KHDRBS2: variants seen among roughly 807,000 people sequenced by gnomAD.
KHDRBS2 encodes the protein KH domain-containing, RNA-binding, signal transduction-associated protein 2.
A neutral mutation model predicts 44.3 loss-of-function variants in KHDRBS2; 26 were observed. The ratio of observed to expected loss-of-function variants is 0.59; its 90% CI spans 0.43 to 0.81. KHDRBS2 has a LOEUF of 0.81. Among genes scored for constraint, KHDRBS2 ranks in the 40% least tolerant of loss-of-function variants. The pLI is 0.00. For synonymous variants in KHDRBS2, 194 were observed against 151.1 expected (o/e 1.28, Z -2.08); for missense variants, 476 against 433.1 (o/e 1.10, Z -0.88).
chr6:61,553,031 G>A, the KHDRBS2 span, among the ~76,000 whole-genome samples: 1 of 152,118 alleles, frequency 6.6e-6, no homozygotes. Flanking sequence ...ATGACTTAGG[G>A]AGGACTCCCT....
chr6:62,048,791 T>G (rs1788318897), intron 2 of KHDRBS2, among the ~76,000 whole-genome samples: 1 of 151,828 alleles, frequency 6.6e-6, no homozygotes, highest in Admixed American at 6.6e-5. Context: ...CCAAACCAAA[T>G]GACCGAGGTA....
At chr6:61,572,237 T>C in the KHDRBS2 span, among the ~76,000 whole-genome samples, 1 of 152,142 alleles carries the variant, frequency 6.6e-6, no homozygotes, top group Non-Finnish European at 1.5e-5. Context: ...GATAAATTCC[T>C]GGAAATATCC....
the KHDRBS2 span, among the ~76,000 whole-genome samples, chr6:61,567,815 T>A: frequency 6.6e-6 from 1 of 152,130 alleles, no homozygotes; most frequent in Admixed American, 6.6e-5. Flanking sequence ...TTTTAATCTA[T>A]GAAACCAAGC....
At chr6:61,977,824 G>A (rs900215091) in intron 4 of KHDRBS2, among the ~76,000 whole-genome samples, 5 of 152,056 alleles carry the variant, frequency 3.3e-5, no homozygotes, top group Admixed American at 1.3e-4. Context: ...ACTATGAACC[G>A]ATGCATGGCA....
intron 2 of KHDRBS2, among the ~76,000 whole-genome samples, chr6:62,164,915 G>A (rs1818364645): frequency 6.6e-6 from 1 of 151,720 alleles, no homozygotes; most frequent in Non-Finnish European, 1.5e-5. Context: ...TCTAAGTGAG[G>A]TTCACATTTT....
intron 3 of KHDRBS2, among the ~76,000 whole-genome samples, chr6:62,035,506 T>C (rs892136232): frequency 6.6e-6 from 1 of 151,892 alleles, no homozygotes; most frequent in African/African-American, 2.4e-5. Flanking sequence ...AAGGGGTTAG[T>C]GGCTGTGGGG....
intron 2 of KHDRBS2, among the ~76,000 whole-genome samples, chr6:62,146,985 C>T (rs898506616): frequency 2.6e-5 from 4 of 151,880 alleles, no homozygotes; most frequent in Admixed American, 6.6e-5. Context: ...CAAACCCATG[C>T]CCCCAGCAGT....
At chr6:61,581,215 C>A in the KHDRBS2 span, among the ~76,000 whole-genome samples, 4 of 151,938 alleles carry the variant, frequency 2.6e-5, no homozygotes, top group African/African-American at 9.7e-5. Context: ...CATTGCCATG[C>A]AAATGTGCAT....
intron 2 of KHDRBS2, among the ~76,000 whole-genome samples, chr6:62,111,838 T>C (rs1161501014): frequency 1.3e-5 from 2 of 152,068 alleles, no homozygotes; most frequent in Non-Finnish European, 2.9e-5. Flanking sequence ...GCTGTGATCA[T>C]ACCATTGAAC....
chr6:61,558,680 G>T, the KHDRBS2 span, among the ~76,000 whole-genome samples: 1 of 152,064 alleles, frequency 6.6e-6, no homozygotes, highest in Non-Finnish European at 1.5e-5. Flanking sequence ...TGACCAACTG[G>T]TTATTCAGGA....
intron 2 of KHDRBS2, among the ~76,000 whole-genome samples, chr6:62,164,345 T>C (rs1283606820): frequency 2.6e-5 from 4 of 151,886 alleles, no homozygotes; most frequent in Non-Finnish European, 4.4e-5. Context: ...AGACAACACA[T>C]AATAATTCTT....
intron 7 of KHDRBS2, among the ~76,000 whole-genome samples, chr6:61,717,853 A>G (rs1030493140): frequency 1.6e-4 from 25 of 151,972 alleles, no homozygotes; most frequent in African/African-American, 5.8e-4. Context: ...TCTTATATTA[A>G]ATGCATATTC....
chr6:61,704,596 A>C (rs1049510188), intron 7 of KHDRBS2, among the ~76,000 whole-genome samples: 1 of 151,818 alleles, frequency 6.6e-6, no homozygotes, highest in Non-Finnish European at 1.5e-5. Flanking sequence ...ACCTTGTCTT[A>C]ACATGGTAAG....
chr6:61,752,721 T>C (rs1358438643), intron 6 of KHDRBS2, among the ~76,000 whole-genome samples: 1 of 144,776 alleles, frequency 6.9e-6, no homozygotes, highest in Admixed American at 6.9e-5. Context: ...CTCATTGAGG[T>C]CATATTCTAG....
At chr6:61,835,710 C>CGTGTGTGTGT (rs3078000) in intron 6 of KHDRBS2, among the ~76,000 whole-genome samples, 24 of 145,570 alleles carry the variant, frequency 1.6e-4, no homozygotes, top group African/African-American at 4.3e-4. Context: ...TTGATGTGTG[C>CGTGTGTGTGT]GTGTGTGTGT....
chr6:61,935,191 G>A (rs963069162), intron 4 of KHDRBS2, among the ~76,000 whole-genome samples: 1 of 152,216 alleles, frequency 6.6e-6, no homozygotes, highest in African/African-American at 2.4e-5. Flanking sequence ...AGAGGGAGTA[G>A]AGGGCATGAG....
chr6:61,879,491 T>C (rs1366377224), intron 6 of KHDRBS2, among the ~76,000 whole-genome samples: 1 of 151,900 alleles, frequency 6.6e-6, no homozygotes, highest in African/African-American at 2.4e-5. Flanking sequence ...ATCTAATTAT[T>C]AGACCCTAAA....
chr6:62,054,727 T>C (rs1202373803), intron 2 of KHDRBS2, among the ~76,000 whole-genome samples: 1 of 152,010 alleles, frequency 6.6e-6, no homozygotes, highest in African/African-American at 2.4e-5. Flanking sequence ...AGGGAGCAGA[T>C]TCTGCCCTAG....
chr6:62,106,543 G>C (rs1207027744), intron 2 of KHDRBS2, among the ~76,000 whole-genome samples: 1 of 151,994 alleles, frequency 6.6e-6, no homozygotes, highest in Non-Finnish European at 1.5e-5. Flanking sequence ...GGAGGAACTG[G>C]TACCTTTCCT....
Sources: allele counts gnomAD v4.1 joint callset (sites outside exome capture counted in the v4.1 genomes callset), GRCh38; gene constraint gnomAD v4.1.1; transcripts MANE v1.5; gene names NCBI Gene and HGNC (gene_info 2026-07-23, HGNC 2026-07-21).